FOXP1: variants seen among roughly 807,000 people sequenced by gnomAD.
The protein encoded by FOXP1 is forkhead box protein P1.
FOXP1 carries 15 observed loss-of-function variants against 98.2 expected under a neutral mutation model. The observed-to-expected ratio is 0.15, with a 90% confidence interval of 0.10 to 0.24. FOXP1 has a LOEUF of 0.24. Among genes scored for constraint, FOXP1 ranks in the 10% least tolerant of loss-of-function variants. The pLI, the probability that FOXP1 is intolerant of heterozygous loss-of-function variation, is 1.00. For missense variants in FOXP1, 633 were observed against 848.5 expected, an observed-to-expected ratio of 0.75 and a Z score of 3.15; for synonymous variants, 371 against 314.5, an observed-to-expected ratio of 1.18 and a Z score of -1.90.
intron 13 of FOXP1, among the ~76,000 whole-genome samples, chr3:70,996,474 G>C (rs909023625): frequency 3.3e-5 from 5 of 152,142 alleles, no homozygotes; most frequent in African/African-American, 1.2e-4. Context: ...CTCTGTGAAG[G>C]GGAACATCTC....
intron 3 of FOXP1, among the ~76,000 whole-genome samples, chr3:71,425,791 C>A (rs974900962): frequency 6.6e-6 from 1 of 151,764 alleles, no homozygotes; most frequent in African/African-American, 2.4e-5. Context: ...TCTATGAATA[C>A]CTCAACATTT....
chr3:71,343,969 T>C (rs1429580024), intron 4 of FOXP1, among the ~76,000 whole-genome samples: 3 of 152,182 alleles, frequency 2.0e-5, no homozygotes, highest in Non-Finnish European at 2.9e-5. Flanking sequence ...CTTAAATAGA[T>C]CTCTGTTTGG....
chr3:71,569,259 TA>T (rs2047148393), intron 2 of FOXP1, among the ~76,000 whole-genome samples: 1 of 152,218 alleles, frequency 6.6e-6, no homozygotes, highest in African/African-American at 2.4e-5. Context: ...GAGTCTGAAC[TA>T]CTTATGAAAG....
intron 3 of FOXP1, among the ~76,000 whole-genome samples, chr3:71,478,023 T>C (rs530207200): frequency 2.6e-5 from 4 of 152,262 alleles, no homozygotes; most frequent in African/African-American, 9.6e-5. Flanking sequence ...CACAAGCAAA[T>C]GGTTAAAGTT....
chr3:70,998,721 A>C (rs2041725076), intron 13 of FOXP1, among the ~76,000 whole-genome samples: 1 of 152,228 alleles, frequency 6.6e-6, no homozygotes, highest in Non-Finnish European at 1.5e-5. Context: ...TCTATAAATA[A>C]TCAAAGAATC....
intron 3 of FOXP1, among the ~76,000 whole-genome samples, chr3:71,420,358 A>C (rs1577403576): frequency 6.6e-6 from 1 of 152,298 alleles, no homozygotes; most frequent in South Asian, 2.1e-4. Context: ...GACTAATATT[A>C]GGGCAAGTAG....
At chr3:71,024,181 G>A (rs1404168760) in intron 11 of FOXP1, among the ~76,000 whole-genome samples, 1 of 152,160 alleles carries the variant, frequency 6.6e-6, no homozygotes, top group Admixed American at 6.5e-5. Flanking sequence ...GATGAAACGT[G>A]GGAACAGGAG....
At position 71,581,642 on chromosome 3, in the gene FOXP1, C is replaced by A. The variant is rs1004878805; in HGVS notation, c.-391G>T. On this transcript the variant is annotated 5_prime_UTR_variant, in exon 2 of 21. Transcript: ENST00000649528. ...GGTCCCCGGCGCCGCTGCCGCTGCC[C>A]CCGGCCCGCTCGCTCGCTCGCCGCG... 1.0e-6 allele frequency: 1 copy of A among 985,628 alleles called. No homozygotes were observed. The highest frequency in any genetic ancestry group is 1.7e-5 in the African/African-American group (1 of 57,226). 61.1% of individuals were successfully genotyped at this position (985,628 alleles called of 1,614,324 possible). A position where few individuals can be genotyped will look rare whatever the true frequency, so the allele number is the denominator to read the frequency against.
chr3:70,983,156 CCTTT>C lies in FOXP1; in HGVS notation c.1146+4834_1146+4837del, dbSNP rs140182071. ...TTGTTACAAGCCTTTCCTTTCCTTT[CCTTT>C]ACCATCTCAGCCTGGCCCTGTTTTA... On this transcript the variant is annotated intron_variant, in intron 14 of 20. Transcript: ENST00000649528. Among the ~76,000 whole-genome samples, 933 of 152,250 alleles carry C rather than the reference CCTTT, an allele frequency of 6.1e-3. 14 individuals are homozygous for C. Among genetic ancestry groups the C allele is most frequent in the African/African-American group, 0.021 (884 of 41,530 alleles).
At chr3:71,333,762 T>G (rs1231715420) in intron 4 of FOXP1, 2 of 151,900 alleles carry the variant, frequency 1.3e-5, no homozygotes, top group East Asian at 3.9e-4. Context: ...GGGCACAGGT[T>G]GCAGTGAGCT....
At chr3:71,027,061 CAG>C (rs2046224137) in intron 11 of FOXP1, among the ~76,000 whole-genome samples, 1 of 152,140 alleles carries the variant, frequency 6.6e-6, no homozygotes, top group South Asian at 2.1e-4. Flanking sequence ...GTTAAGAAAA[CAG>C]AATGCTTTCC....
At chr3:71,053,068 G>A (rs961551985) in intron 8 of FOXP1, among the ~76,000 whole-genome samples, 4 of 152,146 alleles carry the variant, frequency 2.6e-5, no homozygotes, top group Non-Finnish European at 5.9e-5. Flanking sequence ...CAACGCTGTA[G>A]TTCCGAATCT....
intron 6 of FOXP1, among the ~76,000 whole-genome samples, chr3:71,131,937 C>T (rs565276144): frequency 6.6e-6 from 1 of 152,304 alleles, no homozygotes; most frequent in African/African-American, 2.4e-5. Flanking sequence ...TTCTGAGTCT[C>T]ACAGTGCTTC....
chr3:71,537,172 G>C (rs2044366671), intron 2 of FOXP1, among the ~76,000 whole-genome samples: 1 of 152,230 alleles, frequency 6.6e-6, no homozygotes, highest in African/African-American at 2.4e-5. Context: ...TGTCACTGCA[G>C]ACGGTTGAAA....
chr3:70,998,181 T>C (rs1559677243), intron 13 of FOXP1, among the ~76,000 whole-genome samples: 1 of 152,234 alleles, frequency 6.6e-6, no homozygotes, highest in African/African-American at 2.4e-5. Flanking sequence ...AGATCATAAA[T>C]ATTTTCAGCT....
intron 7 of FOXP1, among the ~76,000 whole-genome samples, chr3:71,107,470 G>A (rs989539700): frequency 1.3e-5 from 2 of 151,866 alleles, no homozygotes; most frequent in Non-Finnish European, 2.9e-5. Flanking sequence ...ATTTCTTATC[G>A]AGACTTATTT....
intron 7 of FOXP1, among the ~76,000 whole-genome samples, chr3:71,085,735 C>CTTTGTTTTTTTTTTTTTTTTTTT (rs2054985910): frequency 2.7e-5 from 1 of 37,038 alleles, no homozygotes; most frequent in Non-Finnish European, 4.7e-5. Context: ...CATTTATGGC[C>CTTTGTTTTTTTTTTTTTTTTTTT]TTTTTTTTTT....
chr3:71,396,184 A>G (rs1410446900), intron 3 of FOXP1, among the ~76,000 whole-genome samples: 1 of 152,192 alleles, frequency 6.6e-6, no homozygotes, highest in Non-Finnish European at 1.5e-5. Flanking sequence ...CAGAACCTTG[A>G]GTGCTGGAAC....
intron 19 of FOXP1, among the ~76,000 whole-genome samples, chr3:70,967,210 CCTGGCTCTAGAAAGA>C (rs1166042604): frequency 6.6e-6 from 1 of 152,176 alleles, no homozygotes; most frequent in African/African-American, 2.4e-5. Context: ...TTCTAGAAAT[CCTGGCTCTAGAAAGA>C]AAGTAAAAGC....
Sources: allele counts gnomAD v4.1 joint callset (sites outside exome capture counted in the v4.1 genomes callset), GRCh38; gene constraint gnomAD v4.1.1; transcripts MANE v1.5; gene names NCBI Gene and HGNC (gene_info 2026-07-23, HGNC 2026-07-21).